The following SEC16A variants were observed in gnomAD, a reference collection of about 807,000 sequenced individuals.
SEC16A encodes the protein SEC16 homolog A, endoplasmic reticulum export factor.
Under a neutral mutation model 221.9 loss-of-function variants are expected in SEC16A, and 110 were observed. The ratio of observed to expected loss-of-function variants is 0.50; its 90% confidence interval spans 0.42 to 0.58. The LOEUF is 0.58. Among genes scored for constraint, SEC16A ranks in the 20% least tolerant of loss-of-function variants. The probability of loss-of-function intolerance (pLI) is 0.00; values close to 1 mark genes in which losing one functional copy is unlikely to be tolerated. For missense variants in SEC16A, 3,165 were observed against 3,097.8 expected (o/e 1.02, Z -0.52); for synonymous variants, 1,393 against 1,257.7 (o/e 1.11, Z -2.28).
chr9:136,469,269 C>G (rs1037854198), intron 4 of SEC16A, among the ~76,000 whole-genome samples: 10 of 152,164 alleles, frequency 6.6e-5, no homozygotes, highest in African/African-American at 2.4e-4. Context: ...TGTGTGTGCT[C>G]CTGGAGCGGG....
chr9:136,463,627 G>A (rs760679157), intron 10 of SEC16A, 26 bp from the exon 11 acceptor site: 20 of 1,613,630 alleles, frequency 1.2e-5, no homozygotes, highest in Non-Finnish European at 1.7e-5. Context: ...ACAGTGAGCA[G>A]TGATGTCTGC....
At chr9:136,463,262 G>A (rs1432943925) in intron 11 of SEC16A, 130 bp from the exon 12 acceptor site, 2 of 1,381,402 alleles carry the variant, frequency 1.4e-6, no homozygotes, top group Non-Finnish European at 2.0e-6. Flanking sequence ...TGGCAAGGCT[G>A]GGCTGAAACC....
upstream of SEC16A, among the ~76,000 whole-genome samples, chr9:136,483,299 TTCCAC>T: frequency 9.9e-6 from 1 of 101,374 alleles, no homozygotes; most frequent in African/African-American, 3.8e-5. Flanking sequence ...CCCGCCCGTC[TTCCAC>T]GCCTTATCCT....
chr9:136,455,346 C>T (rs975405157), intron 20 of SEC16A, among the ~76,000 whole-genome samples: 7 of 152,182 alleles, frequency 4.6e-5, no homozygotes, highest in African/African-American at 1.7e-4. Flanking sequence ...GCGCTCAGGG[C>T]AGTGTCGCCA....
chr9:136,457,132 C>A (rs1838785889), intron 18 of SEC16A, among the ~76,000 whole-genome samples: 1 of 152,168 alleles, frequency 6.6e-6, no homozygotes, highest in Non-Finnish European at 1.5e-5. Flanking sequence ...GAGATTGCAC[C>A]ACACTGCACT....
intron 8 of SEC16A, among the ~76,000 whole-genome samples, chr9:136,465,612 C>T (rs1228626021): frequency 6.6e-6 from 1 of 152,216 alleles, no homozygotes; most frequent in Admixed American, 6.5e-5. Context: ...AGCGGAGTCT[C>T]CAAGGGGAAT....
upstream of SEC16A, chr9:136,483,961 C>T (rs1296196623): frequency 4.5e-6 from 1 of 223,874 alleles, no homozygotes; most frequent in Non-Finnish European, 7.5e-6. Flanking sequence ...GGGGTTTCCC[C>T]GACGCATCCT....
chr9:136,456,344 T>G (rs1838664781), intron 18 of SEC16A, among the ~76,000 whole-genome samples, 178 bp from the exon 19 acceptor site: 1 of 152,210 alleles, frequency 6.6e-6, no homozygotes, highest in South Asian at 2.1e-4. Context: ...GCTGGGTGAC[T>G]GGGAAGTTGC....
chr9:136,452,477 A>AG (rs1837967682), intron 22 of SEC16A, among the ~76,000 whole-genome samples: 6 of 145,100 alleles, frequency 4.1e-5, no homozygotes, highest in Non-Finnish European at 7.6e-5. Flanking sequence ...AAAAAAAAAA[A>AG]AGAGATGGCC....
intron 4 of SEC16A, among the ~76,000 whole-genome samples, chr9:136,471,235 G>A (rs1840819920): frequency 6.6e-6 from 1 of 151,914 alleles, no homozygotes; most frequent in Non-Finnish European, 1.5e-5. Context: ...GGGAGACCAG[G>A]GCAGGAGGAT....
chr9:136,484,487 G>T, upstream of SEC16A: 1 of 1,220,878 alleles, frequency 8.2e-7, no homozygotes. Flanking sequence ...CCTGGCAAGG[G>T]CAGGGAAGAG....
intron 20 of SEC16A, 87 bp from the exon 21 acceptor site, chr9:136,454,414 C>T: frequency 7.9e-7 from 1 of 1,259,612 alleles, no homozygotes; most frequent in Non-Finnish European, 1.1e-6. Context: ...GTGTTTATGA[C>T]AAGTTATTTT....
chr9:136,483,441 G>T (rs538246628), upstream of SEC16A: 9 of 669,402 alleles, frequency 1.3e-5, no homozygotes, highest in South Asian at 5.3e-4. Context: ...CGCCCCTTTG[G>T]CCCCGCCCCT....
intron 2 of SEC16A, 44 bp from the exon 3 acceptor site, chr9:136,477,728 A>G (rs1841834210): frequency 1.4e-6 from 2 of 1,426,842 alleles, no homozygotes; most frequent in Non-Finnish European, 1.8e-6. Context: ...CCATATATTC[A>G]AAGTCCTAGC....
At chr9:136,450,491 AC>A (rs72431072) in intron 23 of SEC16A, among the ~76,000 whole-genome samples, 17,785 of 151,596 alleles carry the variant, frequency 0.12, 1,293 homozygotes, top group Admixed American at 0.23. Context: ...GAAAAAAAAA[AC>A]AACGGATAGA....
At chr9:136,472,878 AGTGCACTCCTGCGGAGGGAG>A (rs2132769174) in intron 3 of SEC16A, among the ~76,000 whole-genome samples, 1 of 152,330 alleles carries the variant, frequency 6.6e-6, no homozygotes, top group Admixed American at 6.5e-5. Flanking sequence ...CGGCGGGAGG[AGTGCACTCCTGCGGAGGGAG>A]GTGGCTCGCA....
At position 136,447,025 on chromosome 9, in the gene SEC16A, G is replaced by A. The variant is rs1837089428; in HGVS notation, c.6698-76C>T. ...GGTCTCACTGAAGACACTCCGAGAG[G>A]AAGAGAGTTTCACACTGCACACGCG... On this transcript the variant is annotated intron_variant, in intron 27 of 31. Coordinates refer to ENST00000684901, the MANE Select transcript of SEC16A (RefSeq NM_014866.2). The surrounding 1 kb of genome is among the most constrained non-coding windows in gnomAD (Gnocchi z 5.5). The A allele has an allele frequency of 6.2e-7, 1 of 1,605,288 alleles. No homozygotes were observed. The highest frequency in any genetic ancestry group is 1.1e-5 in the South Asian group (1 of 90,084).
At position 136,476,961 on chromosome 9, in the gene SEC16A, G is replaced by A; in HGVS notation, c.655C>T (p.Gln219Ter). The A allele has an allele frequency of 6.2e-7, 1 of 1,612,974 alleles. No individual in the cohort carries two copies. The highest frequency in any genetic ancestry group is 8.5e-7 in the Non-Finnish European group (1 of 1,179,812). ...TGCCCCGAGGGCTGTGGGCCTCCCT[G>A]CACTGGCCCCCACTGTCCTGGCATC... is the stretch of plus-strand genomic sequence containing the variant. ...LQMPGQWGPV[Q>*]GGPQPSGQHR... The change falls in exon 3 of 32, where the codon CAG becomes TAG. Residue 219 changes from glutamine to a stop codon, truncating the protein, a stop_gained. Transcript: ENST00000684901. LOFTEE classifies it high-confidence loss of function.
chr9:136,446,783 G>T, intron 28 of SEC16A, 72 bp downstream of exon 28: 2 of 1,465,536 alleles, frequency 1.4e-6, no homozygotes, highest in Non-Finnish European at 9.2e-7. Flanking sequence ...CAGAAGGCAA[G>T]GCCCTGTCTG....
Sources: allele counts gnomAD v4.1 joint callset (sites outside exome capture counted in the v4.1 genomes callset), GRCh38; gene constraint gnomAD v4.1.1; non-coding constraint Gnocchi (gnomAD v3.1); transcripts MANE v1.5; gene names NCBI Gene and HGNC (gene_info 2026-07-23, HGNC 2026-07-21).